TNIP3: variants seen among roughly 807,000 people sequenced by gnomAD.
The protein encoded by TNIP3 is TNFAIP3-interacting protein 3.
Under a neutral mutation model 54.1 loss-of-function variants are expected in TNIP3, and 34 were observed. That is an observed-to-expected ratio of 0.63 (90% CI 0.48 to 0.84). The LOEUF is 0.84. TNIP3 is among the 40% of genes least tolerant of loss of function. The pLI, the probability that TNIP3 is intolerant of heterozygous loss-of-function variation, is 0.00. For synonymous variants in TNIP3, 134 were observed against 136.8 expected, an observed-to-expected ratio of 0.98 and a Z score of 0.14; for missense variants, 366 against 387.6, an observed-to-expected ratio of 0.94 and a Z score of 0.47.
intron 2 of TNIP3, among the ~76,000 whole-genome samples, chr4:121,185,539 C>G (rs2148829210): frequency 6.6e-6 from 1 of 152,290 alleles, no homozygotes; most frequent in African/African-American, 2.4e-5. Context: ...TGTGTTTATT[C>G]ACTGCTCAGT....
At chr4:121,222,817 T>TGTTTTTG (rs1441061296) in intron 1 of TNIP3, among the ~76,000 whole-genome samples, 89 of 145,594 alleles carry the variant, frequency 6.1e-4, no homozygotes, top group African/African-American at 2.1e-3. Context: ...TTTTTTTTTT[T>TGTTTTTG]TTTTTTGAGA....
chr4:121,158,018 G>A (rs1383272000), intron 3 of TNIP3, among the ~76,000 whole-genome samples: 1 of 152,164 alleles, frequency 6.6e-6, no homozygotes, highest in Non-Finnish European at 1.5e-5. Flanking sequence ...GAAAAATGCT[G>A]CTATATTACA....
At chr4:121,161,614 C>G (rs1200111476) in intron 1 of TNIP3, among the ~76,000 whole-genome samples, 2 of 152,042 alleles carry the variant, frequency 1.3e-5, no homozygotes, top group Non-Finnish European at 2.9e-5. Context: ...TCATAAAAGT[C>G]ATTTTGGTAG....
chr4:121,176,606 C>G (rs1184745563), intron 3 of TNIP3, among the ~76,000 whole-genome samples: 1 of 150,704 alleles, frequency 6.6e-6, no homozygotes, highest in Non-Finnish European at 1.5e-5. Flanking sequence ...CTTTCTCTCA[C>G]TTTGTATAAT....
intron 2 of TNIP3, among the ~76,000 whole-genome samples, chr4:121,160,560 A>T (rs72913746): frequency 0.058 from 8,866 of 152,286 alleles, 364 homozygotes; most frequent in South Asian, 0.21. Context: ...CTCTGTCAAG[A>T]AGAGTAAAGA....
intron 3 of TNIP3, among the ~76,000 whole-genome samples, chr4:121,172,309 T>A (rs1724015787): frequency 6.6e-6 from 1 of 152,148 alleles, no homozygotes; most frequent in African/African-American, 2.4e-5. Context: ...GAAAGAGTGG[T>A]TAACTGAGGG....
intron 3 of TNIP3, among the ~76,000 whole-genome samples, chr4:121,172,743 G>C (rs955668161): frequency 4.6e-5 from 7 of 152,146 alleles, no homozygotes; most frequent in Admixed American, 4.6e-4. Context: ...TATGTGTAGG[G>C]ACAGGGGATA....
intron 10 of TNIP3, among the ~76,000 whole-genome samples, chr4:121,133,313 G>C (rs1276801179): frequency 3.3e-5 from 5 of 152,164 alleles, no homozygotes; most frequent in Non-Finnish European, 7.4e-5. Flanking sequence ...GTCCTCATTT[G>C]GTATACCAAA....
chr4:121,137,813 T>C, intron 10 of TNIP3: 1 of 391,636 alleles, frequency 2.6e-6, no homozygotes, highest in Non-Finnish European at 5.1e-6. Flanking sequence ...TTTAGATAGA[T>C]TCAAATCTTT....
chr4:121,147,357 T>C (rs1011671284), intron 6 of TNIP3, among the ~76,000 whole-genome samples, 183 bp from the exon 7 acceptor site: 5 of 152,360 alleles, frequency 3.3e-5, no homozygotes, highest in Admixed American at 3.3e-4. Context: ...GTATGAATAC[T>C]GCTTGAACTT....
At chr4:121,167,327 A>T (rs113676870), upstream of TNIP3, among the ~76,000 whole-genome samples, 1,356 of 152,302 alleles carry the variant, frequency 8.9e-3, 18 homozygotes, top group African/African-American at 0.031. Context: ...TGATAGAGAC[A>T]ATAAAGCCTG....
At chr4:121,211,268 T>C (rs1483728088) in intron 2 of TNIP3, among the ~76,000 whole-genome samples, 2 of 152,128 alleles carry the variant, frequency 1.3e-5, no homozygotes, top group African/African-American at 4.8e-5. Flanking sequence ...GAGTCTTATG[T>C]CAATATAAAT....
chr4:121,181,606 G>A (rs981439090), intron 3 of TNIP3, among the ~76,000 whole-genome samples: 1 of 146,626 alleles, frequency 6.8e-6, no homozygotes, highest in Non-Finnish European at 1.5e-5. Context: ...TAAGTGAAGA[G>A]GGTAAGTTAA....
At chr4:121,165,450 C>A (rs1457333510), upstream of TNIP3, among the ~76,000 whole-genome samples, 1 of 152,092 alleles carries the variant, frequency 6.6e-6, no homozygotes, top group Non-Finnish European at 1.5e-5. Flanking sequence ...TCCTTCTGAT[C>A]TTCTCTTGAC....
upstream of TNIP3, chr4:121,216,656 G>A: frequency 7.0e-7 from 1 of 1,424,064 alleles, no homozygotes; most frequent in Non-Finnish European, 9.2e-7. Flanking sequence ...TGCCAGACCT[G>A]AGAAGACAGA....
At chr4:121,143,461 C>G (rs1258160131) in intron 7 of TNIP3, among the ~76,000 whole-genome samples, 1 of 152,176 alleles carries the variant, frequency 6.6e-6, no homozygotes, top group Non-Finnish European at 1.5e-5. Context: ...TCAAATATCC[C>G]CTTCTGAATG....
At chr4:121,166,741 G>T (rs1730788938), upstream of TNIP3, among the ~76,000 whole-genome samples, 2 of 152,314 alleles carry the variant, frequency 1.3e-5, no homozygotes, top group African/African-American at 4.8e-5. Context: ...GCATTCTTTG[G>T]CAGGTAAAAG....
At chr4:121,184,042 A>G (rs1255781283) in intron 2 of TNIP3, among the ~76,000 whole-genome samples, 1 of 152,142 alleles carries the variant, frequency 6.6e-6, no homozygotes, top group African/African-American at 2.4e-5. Flanking sequence ...AATGTTGGGG[A>G]CTACTGCTTT....
At chr4:121,177,271 C>A (rs752541481) in intron 3 of TNIP3, among the ~76,000 whole-genome samples, 38 of 152,152 alleles carry the variant, frequency 2.5e-4, no homozygotes, top group Non-Finnish European at 4.6e-4. Context: ...TAATATCATT[C>A]TCACTTAGGC....
Sources: gnomAD v4.1 joint callset for allele counts (sites outside exome capture counted in the v4.1 genomes callset) on GRCh38, gnomAD v4.1.1 for gene constraint, MANE v1.5 for transcripts, NCBI Gene and HGNC (gene_info 2026-07-23, HGNC 2026-07-21) for gene names.